The following DNAH17 variants were observed in gnomAD, a reference collection of about 807,000 sequenced individuals.
DNAH17 encodes dynein axonemal heavy chain 17.
A neutral mutation model predicts 485.6 loss-of-function variants in DNAH17; 376 were observed. That is an observed-to-expected ratio of 0.77 (90% confidence interval 0.71 to 0.84). DNAH17 has a LOEUF of 0.84. DNAH17 is among the 40% of genes least tolerant of loss of function. DNAH17 has a pLI of 0.00. For synonymous variants in DNAH17, 3,031 were observed against 2,405.9 expected (o/e 1.26, Z -7.60); for missense variants, 6,370 against 5,839.3 (o/e 1.09, Z -2.96).
chr17:78,565,455 G>A (rs1224905691), intron 11 of DNAH17, among the ~76,000 whole-genome samples: 1 of 152,236 alleles, frequency 6.6e-6, no homozygotes, highest in Admixed American at 6.5e-5. Flanking sequence ...CCTGACGTTT[G>A]TCGGGGAGAG....
chr17:78,450,742 G>T lies in DNAH17; in HGVS notation c.10839C>A (p.Asp3613Glu). 6.2e-7 allele frequency: 1 copy of T among 1,614,056 alleles called. No homozygotes were observed. Among genetic ancestry groups the T allele is most frequent in the South Asian group, 1.1e-5 (1 of 91,082 alleles). Reference protein sequence around the residue: ...LSAASGNFLGDTALVENLETT... With the variant: ...LSAASGNFLGETALVENLETT... ...TCTCCAGATTCTCCACCAAGGCCGTGTCTCCCAGAAAGTTCCCCGACGCAG... is the reference window on the plus strand; with the variant it reads ...TCTCCAGATTCTCCACCAAGGCCGTTTCTCCCAGAAAGTTCCCCGACGCAG... The change falls in exon 67 of 81, where the codon GAC (aspartate) becomes GAA (glutamate). Residue 3613 changes from aspartate to glutamate, a missense_variant. By Grantham distance (45) the Asp-to-Glu change is conservative. Transcript: ENST00000389840.
intron 17 of DNAH17, among the ~76,000 whole-genome samples, chr17:78,543,287 G>T (rs374532119): frequency 6.5e-5 from 9 of 139,272 alleles, no homozygotes; most frequent in Middle Eastern, 3.6e-3. Context: ...GTTAATTTTT[G>T]TTTTTTTTTT....
intron 47 of DNAH17, 129 bp downstream of exon 47, chr17:78,485,421 T>C: frequency 1.1e-6 from 1 of 888,910 alleles, no homozygotes; most frequent in South Asian, 1.7e-5. Context: ...GGCCAGCGGG[T>C]GGGGCATGGG....
chr17:78,488,966 C>T (rs1273067975), intron 44 of DNAH17, among the ~76,000 whole-genome samples: 1 of 152,098 alleles, frequency 6.6e-6, no homozygotes, highest in Non-Finnish European at 1.5e-5. Flanking sequence ...CTGCCTACTC[C>T]TTGACTTCTG....
intron 74 of DNAH17, among the ~76,000 whole-genome samples, chr17:78,437,426 T>C (rs1305576807): frequency 6.6e-6 from 1 of 152,256 alleles, no homozygotes; most frequent in African/African-American, 2.4e-5. Context: ...CAGCTTTAAG[T>C]AATAAATAGT....
At chr17:78,501,604 T>C (rs2090292648) in intron 34 of DNAH17, 138 bp downstream of exon 34, 1 of 1,295,828 alleles carries the variant, frequency 7.7e-7, no homozygotes, top group South Asian at 1.4e-5. Flanking sequence ...GCAAGGAGGT[T>C]AGGAGGCAGC....
chr17:78,436,224 TAAG>T (rs1332754664), intron 74 of DNAH17, among the ~76,000 whole-genome samples: 1 of 152,204 alleles, frequency 6.6e-6, no homozygotes, highest in East Asian at 1.9e-4. Context: ...GTGAGGAGTT[TAAG>T]GCCAGCGTGG....
chr17:78,544,775 TG>T (rs1259708210), intron 16 of DNAH17, among the ~76,000 whole-genome samples: 25 of 99,468 alleles, frequency 2.5e-4, no homozygotes, highest in South Asian at 1.7e-3. Context: ...CACTCCAGCC[TG>T]GGGCACAGAG....
intron 41 of DNAH17, 132 bp downstream of exon 41, chr17:78,493,904 G>C: frequency 3.0e-6 from 4 of 1,329,714 alleles, no homozygotes; most frequent in Non-Finnish European, 4.0e-6. Context: ...CCATGACTCA[G>C]GCCGGAGGGC....
At chr17:78,528,403 C>T (rs370176072) in intron 22 of DNAH17, among the ~76,000 whole-genome samples, 3 of 151,920 alleles carry the variant, frequency 2.0e-5, no homozygotes, top group Admixed American at 6.6e-5. Flanking sequence ...TACAGGTGTG[C>T]GCCACCATGC....
In DNAH17 at chr17:78,479,580, G is replaced by C; in HGVS notation, c.7805C>G (p.Thr2602Ser). 6.2e-7 allele frequency: 1 copy of C among 1,613,626 alleles called. No individual in the cohort carries two copies. The highest frequency in any genetic ancestry group is 8.5e-7 in the Non-Finnish European group (1 of 1,179,868). ...VSFPGQEALT[T>S]IYNTILTQHL... is the part of the protein sequence containing the mutation. ...CTGCGTCAGGATTGTGTTGTAGATG[G>C]TGGTGAGGGCCTCCTGGCCGGGGAA... Residue 2602 changes from threonine (T) to serine (S), a missense_variant, in exon 50 of 81, where the codon ACC becomes AGC. Coordinates refer to ENST00000389840, the MANE Select transcript of DNAH17 (RefSeq NM_173628.4).
intron 22 of DNAH17, among the ~76,000 whole-genome samples, chr17:78,529,070 A>C (rs555580296): frequency 4.6e-5 from 7 of 151,958 alleles, no homozygotes; most frequent in Admixed American, 3.3e-4. Flanking sequence ...CAGCCTCCTG[A>C]GTAGCTGAGA....
At chr17:78,549,504 T>C (rs1181859184) in intron 16 of DNAH17, among the ~76,000 whole-genome samples, 1 of 152,200 alleles carries the variant, frequency 6.6e-6, no homozygotes, top group Non-Finnish European at 1.5e-5. Flanking sequence ...AACCTCAGAA[T>C]TGGCAAACAG....
intron 42 of DNAH17, among the ~76,000 whole-genome samples, 170 bp from the exon 43 acceptor site, chr17:78,491,740 G>A (rs1443550396): frequency 6.6e-6 from 1 of 152,140 alleles, no homozygotes; most frequent in Admixed American, 6.5e-5. Flanking sequence ...TCCGTTCTCT[G>A]TGGCCTCCCT....
intron 51 of DNAH17, among the ~76,000 whole-genome samples, chr17:78,477,424 G>A (rs763703772): frequency 9.2e-5 from 14 of 151,964 alleles, no homozygotes; most frequent in Non-Finnish European, 1.6e-4. Flanking sequence ...TGTTGCCCAG[G>A]CTGGAGTGCA....
chr17:78,491,599 G>A (rs2089861239), intron 42 of DNAH17, 29 bp from the exon 43 acceptor site: 3 of 1,609,456 alleles, frequency 1.9e-6, no homozygotes, highest in East Asian at 4.5e-5. Context: ...ATGACCCCGG[G>A]CCCTTCACTC....
At chr17:78,504,759 C>A (rs2090430411) in intron 31 of DNAH17, among the ~76,000 whole-genome samples, 1 of 152,148 alleles carries the variant, frequency 6.6e-6, no homozygotes, top group South Asian at 2.1e-4. Context: ...GCTGTGGAGA[C>A]CACTCTGAGT....
At chr17:78,508,415 G>A (rs999035025) in intron 27 of DNAH17, among the ~76,000 whole-genome samples, 5 of 152,160 alleles carry the variant, frequency 3.3e-5, no homozygotes, top group African/African-American at 7.2e-5. Flanking sequence ...TACAACTTAC[G>A]CTTTCTGCAA....
rs1054267254 is a variant in DNAH17 at position 78,485,684 on chromosome 17, G to A, written c.7349C>T (p.Pro2450Leu). 10 of 1,613,900 alleles carry A rather than the reference G, an allele frequency of 6.2e-6. No individual in the cohort carries two copies. The highest frequency in any genetic ancestry group is 2.2e-5 in the East Asian group (1 of 44,904). Reference sequence around the variant, plus strand: ...CCCCGCGTTCCCCACCAGCATCACCGGCCAGGACTTCTCCATGAGCAGGTC... The same window carrying A: ...CCCCGCGTTCCCCACCAGCATCACCAGCCAGGACTTCTCCATGAGCAGGTC... ...FMDLLMEKSW[P>L]VMLVGNAGTG... Residue 2450 changes from proline to leucine, a missense_variant, in exon 47 of 81, where the codon CCG (proline) becomes CTG (leucine). By Grantham distance (98) the Pro-to-Leu change is moderately conservative. Transcript: ENST00000389840.
Sources: gnomAD v4.1 joint callset for allele counts (sites outside exome capture counted in the v4.1 genomes callset) on GRCh38, gnomAD v4.1.1 for gene constraint, MANE v1.5 for transcripts, NCBI Gene and HGNC (gene_info 2026-07-23, HGNC 2026-07-21) for gene names.